The following GALNTL6 variants were observed in gnomAD, a reference collection of about 807,000 sequenced individuals.
GALNTL6 encodes polypeptide N-acetylgalactosaminyltransferase like 6.
Under a neutral mutation model 73.7 loss-of-function variants are expected in GALNTL6, and 46 were observed. The ratio of observed to expected loss-of-function variants is 0.62; its 90% CI spans 0.49 to 0.80. The LOEUF (loss-of-function observed/expected upper bound fraction) is 0.80, where lower values mean the gene tolerates loss of function less well. Among genes scored for constraint, GALNTL6 ranks in the 30% least tolerant of loss-of-function variants. The pLI is 0.00. For synonymous variants in GALNTL6, 259 were observed against 263.7 expected (o/e 0.98, Z 0.17); for missense variants, 604 against 755.0 (o/e 0.80, Z 2.34).
At chr4:172,206,747 A>G (rs1029007396) in intron 2 of GALNTL6, among the ~76,000 whole-genome samples, 6 of 150,744 alleles carry the variant, frequency 4.0e-5, no homozygotes, top group African/African-American at 1.5e-4. Context: ...ATTTTAGAAC[A>G]GAATGCATAT....
chr4:172,186,941 AAAAT>A lies in GALNTL6; in HGVS notation c.139-42707_139-42704del, dbSNP rs541297777. ...CGTTACATGAATTTTGCCTCAATCA[AAAAT>A]AAATAAAGTTCGATATTTGTTTTTT... On this transcript the variant is annotated intron_variant, in intron 2 of 12. Transcript: ENST00000506823. Among the ~76,000 whole-genome samples the A allele has an allele frequency of 1.6e-4, 25 of 152,266 alleles. No individual in the cohort carries two copies. The South Asian group carries it at 3.1e-3, about 19-fold the overall frequency.
chr4:172,342,404 T>C (rs543700522), intron 4 of GALNTL6, among the ~76,000 whole-genome samples: 3 of 152,210 alleles, frequency 2.0e-5, no homozygotes, highest in Non-Finnish European at 4.4e-5. Context: ...AATTACTGAA[T>C]TTTCAGAAAA....
At chr4:172,487,725 G>T (rs1023838877) in intron 5 of GALNTL6, among the ~76,000 whole-genome samples, 3 of 151,992 alleles carry the variant, frequency 2.0e-5, no homozygotes. Flanking sequence ...CTACTTTGTG[G>T]CAGTTCATTC....
At chr4:172,110,769 A>G (rs540882963) in intron 2 of GALNTL6, among the ~76,000 whole-genome samples, 2 of 152,264 alleles carry the variant, frequency 1.3e-5, no homozygotes, top group Admixed American at 6.5e-5. Flanking sequence ...TTAATGTTAA[A>G]TGTTGCAGAT....
Position 173,003,742 on chromosome 4 carries a change from C to G in GALNTL6, c.1372-5436C>G, listed in dbSNP as rs551235660. ...CAATATCCGTATTCATTTCTGATTCCTAAGGCAATAGTGTCCTTCTGTCAT... is the reference window on the plus strand; with the variant it reads ...CAATATCCGTATTCATTTCTGATTCGTAAGGCAATAGTGTCCTTCTGTCAT... On this transcript the variant is annotated intron_variant, in intron 10 of 12. Transcript: ENST00000506823. 2.6e-5 allele frequency among the ~76,000 whole-genome samples: 4 copies of G among 152,304 alleles called. No homozygotes were observed. In the South Asian group the frequency reaches 6.2e-4, roughly 24 times the overall value.
intron 3 of GALNTL6, among the ~76,000 whole-genome samples, chr4:172,288,231 C>T (rs998190556): frequency 3.9e-5 from 6 of 151,924 alleles, no homozygotes; most frequent in Non-Finnish European, 7.4e-5. Flanking sequence ...GCTGGGACTA[C>T]AGGCGCCAAC....
intron 5 of GALNTL6, among the ~76,000 whole-genome samples, chr4:172,534,276 T>C (rs7686995): frequency 0.21 from 31,949 of 152,024 alleles, 3,687 homozygotes; most frequent in African/African-American, 0.29. Flanking sequence ...ATAGAAAGAG[T>C]GGCCTTCTAC....
At chr4:172,324,544 G>A (rs1740879074) in intron 4 of GALNTL6, among the ~76,000 whole-genome samples, 1 of 151,076 alleles carries the variant, frequency 6.6e-6, no homozygotes, top group African/African-American at 2.4e-5. Flanking sequence ...TCGGAATATA[G>A]GAGATTTAAA....
At chr4:171,837,472 G>A (rs1322200198) in intron 2 of GALNTL6, among the ~76,000 whole-genome samples, 1 of 151,210 alleles carries the variant, frequency 6.6e-6, no homozygotes, top group Non-Finnish European at 1.5e-5. Context: ...CTGTATTGTG[G>A]TTATGAAGGA....
intron 8 of GALNTL6, among the ~76,000 whole-genome samples, chr4:172,893,789 G>A (rs1746177322): frequency 6.6e-6 from 1 of 152,182 alleles, no homozygotes; most frequent in Admixed American, 6.5e-5. Flanking sequence ...AAAACCTTCT[G>A]GGATCCATGC....
intron 10 of GALNTL6, among the ~76,000 whole-genome samples, chr4:172,996,414 G>C (rs1751785725): frequency 6.7e-6 from 1 of 149,326 alleles, no homozygotes; most frequent in Non-Finnish European, 1.5e-5. Context: ...AGGAAGGAGA[G>C]ATCAGGAAAA....
chr4:172,918,238 G>A (rs1579652660), intron 8 of GALNTL6, among the ~76,000 whole-genome samples: 1 of 152,098 alleles, frequency 6.6e-6, no homozygotes, highest in East Asian at 1.9e-4. Context: ...GGGGCCTGTT[G>A]TGGGGTGGGG....
intron 5 of GALNTL6, among the ~76,000 whole-genome samples, chr4:172,750,554 C>A (rs1393411076): frequency 6.6e-6 from 1 of 152,310 alleles, no homozygotes; most frequent in East Asian, 1.9e-4. Context: ...TAGGAAAATG[C>A]TCTCATGTCA....
intron 2 of GALNTL6, among the ~76,000 whole-genome samples, chr4:171,928,377 G>A (rs922404535): frequency 3.9e-5 from 6 of 152,140 alleles, no homozygotes; most frequent in Non-Finnish European, 8.8e-5. Flanking sequence ...GGATGCAGTG[G>A]AGCCACTGTG....
intron 3 of GALNTL6, among the ~76,000 whole-genome samples, chr4:172,231,879 T>A (rs1050007551): frequency 6.6e-6 from 1 of 152,238 alleles, no homozygotes; most frequent in East Asian, 1.9e-4. Context: ...ACCTCCTGAA[T>A]AAACTTGTCT....
chr4:171,970,362 G>A (rs1236693985), intron 2 of GALNTL6, among the ~76,000 whole-genome samples: 1 of 152,158 alleles, frequency 6.6e-6, no homozygotes, highest in Non-Finnish European at 1.5e-5. Flanking sequence ...GAAATCAGAA[G>A]TAAAAGTTTT....
At chr4:172,444,602 T>G (rs2111408058) in intron 5 of GALNTL6, among the ~76,000 whole-genome samples, 1 of 152,320 alleles carries the variant, frequency 6.6e-6, no homozygotes, top group East Asian at 1.9e-4. Context: ...TGTAATATTT[T>G]TTCAAAAGTT....
At chr4:172,035,198 A>G (rs754878931) in intron 2 of GALNTL6, among the ~76,000 whole-genome samples, 4 of 152,114 alleles carry the variant, frequency 2.6e-5, no homozygotes, top group Non-Finnish European at 5.9e-5. Context: ...CTTTAAAATG[A>G]CTCAAAAATT....
chr4:172,955,561 G>A lies in GALNTL6; in HGVS notation c.1371+3303G>A, dbSNP rs149105814. Among the ~76,000 whole-genome samples, 1,087 of 152,180 alleles carry A rather than the reference G, an allele frequency of 7.1e-3. 9 individuals carry two copies. Among genetic ancestry groups the A allele is most frequent in the African/African-American group, 0.025 (1,039 of 41,528 alleles). The stretch of plus-strand genomic sequence containing the variant: ...AGACTTTCAAAATGTTGACACATGC[G>A]ATTTCTTTTGCCTTTCAGAGGATTT... On this transcript the variant is annotated intron_variant, in intron 10 of 12. Coordinates refer to ENST00000506823, the MANE Select transcript of GALNTL6 (RefSeq NM_001034845.3).
Sources: gnomAD v4.1 joint callset for allele counts (sites outside exome capture counted in the v4.1 genomes callset) on GRCh38, gnomAD v4.1.1 for gene constraint, MANE v1.5 for transcripts, NCBI Gene and HGNC (gene_info 2026-07-23, HGNC 2026-07-21) for gene names.